The following ATP2B2 variants were observed in gnomAD, a reference collection of about 807,000 sequenced individuals.
ATP2B2 encodes the protein ATPase plasma membrane Ca2+ transporting 2, also known as plasma membrane calcium-transporting ATPase 2.
In ATP2B2, 15 loss-of-function variants were observed where a neutral mutation model predicts 120.0. That is an observed-to-expected ratio of 0.12 (90% confidence interval 0.08 to 0.19). The LOEUF is 0.19. Ranked by LOEUF, ATP2B2 falls within the 10% of genes least tolerant of loss-of-function variation. The probability of loss-of-function intolerance (pLI) is 1.00; values close to 1 mark genes in which losing one functional copy is unlikely to be tolerated. For missense variants in ATP2B2, 1,045 were observed against 1,719.8 expected, an observed-to-expected ratio of 0.61 and a Z score of 6.94; for synonymous variants, 694 against 700.3, an observed-to-expected ratio of 0.99 and a Z score of 0.14.
In ATP2B2 at chr3:10,474,671, T is replaced by A. The variant is rs890767019; in HGVS notation, c.-319-24809A>T. On this transcript the variant is annotated intron_variant, in intron 1 of 22. Transcript: ENST00000360273. ...GGCTCATATCCTTCCACCCGTTCCTTGTAACCTTCCCTCCTGCCATAATAA... is the reference window on the plus strand; with the variant it reads ...GGCTCATATCCTTCCACCCGTTCCTAGTAACCTTCCCTCCTGCCATAATAA... Among the ~76,000 whole-genome samples, 3 of 152,384 alleles carry A rather than the reference T, an allele frequency of 2.0e-5. 1 individual carries two copies. Among genetic ancestry groups the A allele is most frequent in the East Asian group, 1.9e-4 (1 of 5,186 alleles).
At chr3:10,700,105 T>C (rs553280228) in intron 1 of ATP2B2, among the ~76,000 whole-genome samples, 215 of 152,284 alleles carry the variant, frequency 1.4e-3, no homozygotes, top group Non-Finnish European at 2.5e-3. Flanking sequence ...GAAAGTCATG[T>C]GAGACAGGAT....
intron 1 of ATP2B2, among the ~76,000 whole-genome samples, chr3:10,658,223 C>A (rs1256005395): frequency 6.6e-6 from 1 of 152,226 alleles, no homozygotes; most frequent in Admixed American, 6.5e-5. Context: ...TCCGCACCAG[C>A]AATGCAACAT....
At chr3:10,460,649 TA>T (rs1402667568) in intron 1 of ATP2B2, among the ~76,000 whole-genome samples, 1 of 152,092 alleles carries the variant, frequency 6.6e-6, no homozygotes, top group Non-Finnish European at 1.5e-5. Context: ...TTTAGGCTTT[TA>T]GGGGGCAGGA....
intron 2 of ATP2B2, among the ~76,000 whole-genome samples, chr3:10,566,967 G>A (rs1055158587): frequency 6.6e-6 from 1 of 152,138 alleles, no homozygotes; most frequent in Admixed American, 6.5e-5. Context: ...TAAGACATCC[G>A]ACACTGTGCC....
chr3:10,668,539 T>C (rs374742039), intron 1 of ATP2B2, among the ~76,000 whole-genome samples: 208 of 152,318 alleles, frequency 1.4e-3, no homozygotes, highest in African/African-American at 4.7e-3. Flanking sequence ...TTGCAGTAGC[T>C]GTTCCCATCC....
intron 2 of ATP2B2, among the ~76,000 whole-genome samples, chr3:10,585,518 G>A (rs199592559): frequency 0.027 from 1,558 of 58,294 alleles, no homozygotes; most frequent in East Asian, 0.095. Context: ...AAAAAAAAAA[G>A]ATCCAGTGAG....
rs751064368 is a variant in ATP2B2 at position 10,449,377 on chromosome 3, A to G, written c.167T>C (p.Ile56Thr). ...AGGTGAGGTTTTGAGGCGCCGGCAG[A>G]TGGCTTCGGTGTCCCCATAAGTCTC... ...IKETYGDTEA[I>T]CRRLKTSPVE... Residue 56 changes from isoleucine to threonine, a missense_variant, in exon 2 of 23, where the codon ATC (isoleucine) becomes ACC (threonine). Around this residue, in one of 11 missense-constraint regions of ATP2B2, gnomAD observed 139 missense variants for 134.2 expected, o/e 1.04. Coordinates refer to ENST00000360273, the MANE Select transcript of ATP2B2 (RefSeq NM_001001331.4). 3.1e-6 allele frequency: 5 copies of G among 1,614,232 alleles called. No homozygotes were observed. Among genetic ancestry groups the G allele is most frequent in the South Asian group, 1.1e-5 (1 of 91,090 alleles).
At position 10,457,920 on chromosome 3, in the gene ATP2B2, C is replaced by T. The variant is rs1000007150; in HGVS notation, c.-319-8058G>A. 3.2e-4 allele frequency among the ~76,000 whole-genome samples: 49 copies of T among 152,270 alleles called. 1 individual carries two copies. The highest frequency in any genetic ancestry group is 6.9e-4 in the Non-Finnish European group (47 of 68,008). ...ATCCAGGGCTTCCTGTGGAGCTTCT[C>T]ACCCTCACGCCTGGCCTGAGGAAGG... On this transcript the variant is annotated intron_variant, in intron 1 of 22. Coordinates refer to ENST00000360273, the MANE Select transcript of ATP2B2 (RefSeq NM_001001331.4).
chr3:10,504,423 G>A (rs1262117598), intron 1 of ATP2B2, among the ~76,000 whole-genome samples: 2 of 152,268 alleles, frequency 1.3e-5, no homozygotes, highest in African/African-American at 2.4e-5. Context: ...GGCATGCAGC[G>A]TCGCACTAAG....
rs562669782 is a variant in ATP2B2, at chr3:10,341,734, C to T, written c.2917+1018G>A. ...TGCTCAAGTGGTCAAGCCAGCAAGC[C>T]GACCAGGACCCCCGCTCTCCTCTCC... is the stretch of plus-strand genomic sequence containing the variant. On this transcript the variant is annotated intron_variant, in intron 19 of 22. Coordinates refer to ENST00000360273, the MANE Select transcript of ATP2B2 (RefSeq NM_001001331.4). Among the ~76,000 whole-genome samples, 110 of 152,278 alleles carry T rather than the reference C, an allele frequency of 7.2e-4. 2 individuals are homozygous for T. The South Asian group carries it at 0.022, about 31-fold the overall frequency.
intron 8 of ATP2B2, 124 bp downstream of exon 8, chr3:10,385,144 T>A: frequency 1.0e-6 from 1 of 969,524 alleles, no homozygotes; most frequent in South Asian, 1.4e-5. Context: ...AAGGTGACTG[T>A]CCCAGCGGCC....
At chr3:10,606,899 A>ACACACGCACG (rs1559483005) in intron 2 of ATP2B2, among the ~76,000 whole-genome samples, 1 of 30,772 alleles carries the variant, frequency 3.2e-5, no homozygotes, top group Non-Finnish European at 7.4e-5. Flanking sequence ...ACACACACAC[A>ACACACGCACG]CACACACACA....
rs548485173 is a variant in ATP2B2 at position 10,619,480 on chromosome 3, C to T, written c.-415+437G>A. ...TTAAAAGATACTGACGTGTAAATAA[C>T]AGATATGACAGCCACAGAGCCCACA... is the stretch of plus-strand genomic sequence containing the variant. On this transcript the variant is annotated intron_variant, in intron 2 of 21. Transcript: ENST00000646379. 2.6e-5 allele frequency among the ~76,000 whole-genome samples: 4 copies of T among 152,240 alleles called. No individual in the cohort carries two copies. In the South Asian group the frequency reaches 8.3e-4, roughly 32 times the overall value.
rs568840243 is a variant in ATP2B2 at position 10,557,878 on chromosome 3, G to A, written c.-414-23745C>T. Among the ~76,000 whole-genome samples the A allele has an allele frequency of 1.4e-4, 22 of 152,258 alleles. 2 individuals carry two copies. The South Asian group carries it at 4.4e-3, about 30-fold the overall frequency. On this transcript the variant is annotated intron_variant, in intron 2 of 21. Coordinates refer to the ATP2B2 transcript ENST00000646379. Reference sequence around the variant, plus strand: ...ATGGTGGCAAGGACCAAGCTTATAGGGGAGGAGGGCAAACTCGAAGATCAA... The same window carrying A: ...ATGGTGGCAAGGACCAAGCTTATAGAGGAGGAGGGCAAACTCGAAGATCAA...
chr3:10,528,908 G>A (rs1299059234), intron 3 of ATP2B2, among the ~76,000 whole-genome samples: 1 of 152,216 alleles, frequency 6.6e-6, no homozygotes, highest in African/African-American at 2.4e-5. Flanking sequence ...TTCAAGCAAT[G>A]TGGGAACTGC....
At chr3:10,558,658 C>T (rs1028929519) in intron 2 of ATP2B2, among the ~76,000 whole-genome samples, 2 of 152,182 alleles carry the variant, frequency 1.3e-5, no homozygotes, top group Admixed American at 1.3e-4. Context: ...ATGGAAACCC[C>T]CAGTTTAACC....
intron 3 of ATP2B2, among the ~76,000 whole-genome samples, chr3:10,409,004 GATA>G (rs2062514794): frequency 6.6e-6 from 1 of 152,200 alleles, no homozygotes; most frequent in African/African-American, 2.4e-5. Flanking sequence ...TGGTTTCGTG[GATA>G]ATAATAGCAC....
intron 2 of ATP2B2, among the ~76,000 whole-genome samples, chr3:10,534,803 C>A (rs776459669): frequency 7.9e-5 from 12 of 151,968 alleles, no homozygotes; most frequent in Non-Finnish European, 1.5e-4. Flanking sequence ...TAGAAACGCC[C>A]GACAAACAGC....
At chr3:10,550,310 A>G (rs1027354655) in intron 2 of ATP2B2, among the ~76,000 whole-genome samples, 1 of 152,242 alleles carries the variant, frequency 6.6e-6, no homozygotes, top group Non-Finnish European at 1.5e-5. Flanking sequence ...GAAGATCAGG[A>G]CCATATTGGA....
Sources: gnomAD v4.1 joint callset for allele counts (sites outside exome capture counted in the v4.1 genomes callset) on GRCh38, gnomAD v4.1.1 for gene constraint, gnomAD v4.1.1 regional missense constraint, MANE v1.5 for transcripts, NCBI Gene and HGNC (gene_info 2026-07-23, HGNC 2026-07-21) for gene names.